Variants in NCKAP5 observed in about 807,000 individuals in gnomAD.
The protein encoded by NCKAP5 is nck-associated protein 5.
Under a neutral mutation model 167.0 loss-of-function variants are expected in NCKAP5, and 92 were observed. The observed-to-expected ratio is 0.55, with a 90% confidence interval of 0.47 to 0.66. The LOEUF is 0.66. Ranked by LOEUF, NCKAP5 falls within the 30% of genes least tolerant of loss-of-function variation. NCKAP5 has a pLI of 0.00. For missense variants in NCKAP5, 2,378 were observed against 2,315.0 expected (o/e 1.03, Z -0.56); for synonymous variants, 891 against 877.4 (o/e 1.02, Z -0.27).
intron 3 of NCKAP5, among the ~76,000 whole-genome samples, chr2:133,443,603 C>G (rs1013671570): frequency 6.6e-6 from 1 of 152,162 alleles, no homozygotes; most frequent in East Asian, 1.9e-4. Context: ...TTGAGCTGCC[C>G]GCAGCCGTCT....
chr2:133,232,385 T>C (rs1232807129), intron 4 of NCKAP5, among the ~76,000 whole-genome samples: 1 of 152,194 alleles, frequency 6.6e-6, no homozygotes, highest in Non-Finnish European at 1.5e-5. Context: ...AAAATATATT[T>C]CTGCTTTGGA....
chr2:133,150,455 A>T (rs2083349234), intron 5 of NCKAP5, among the ~76,000 whole-genome samples: 1 of 152,128 alleles, frequency 6.6e-6, no homozygotes, highest in Non-Finnish European at 1.5e-5. Context: ...TACCTCCAGG[A>T]TTTCTAACTG....
intron 5 of NCKAP5, among the ~76,000 whole-genome samples, chr2:133,186,426 T>C (rs533263685): frequency 1.3e-5 from 2 of 152,252 alleles, no homozygotes; most frequent in African/African-American, 4.8e-5. Context: ...CTGTTTTCAC[T>C]GTGTCTCTGC....
rs551451293 is a variant in NCKAP5, at chr2:133,344,931, G to C, written c.70-41821C>G. Among the ~76,000 whole-genome samples, 5 of 152,152 alleles carry C rather than the reference G, an allele frequency of 3.3e-5. No homozygotes were observed. The East Asian group carries it at 9.7e-4, about 30-fold the overall frequency. ...AGTCTAAAGGTCAGAGGAAGTCAGG[G>C]ATGAAGATATATGAAGATATGAATT... On this transcript the variant is annotated intron_variant, in intron 3 of 19. Coordinates refer to ENST00000409261, the MANE Select transcript of NCKAP5 (RefSeq NM_207363.3).
chr2:133,617,284 T>G, the NCKAP5 span, among the ~76,000 whole-genome samples: 1 of 152,132 alleles, frequency 6.6e-6, no homozygotes, highest in East Asian at 1.9e-4. Context: ...TTCAACATAG[T>G]GTTGAAAGTT....
At chr2:133,139,487 C>A (rs2082918048) in intron 5 of NCKAP5, among the ~76,000 whole-genome samples, 1 of 152,026 alleles carries the variant, frequency 6.6e-6, no homozygotes, top group South Asian at 2.1e-4. Flanking sequence ...TTAAAGAGAG[C>A]CAGGCAATGT....
intron 11 of NCKAP5, among the ~76,000 whole-genome samples, chr2:132,797,910 C>T (rs1684731786): frequency 6.6e-6 from 1 of 152,192 alleles, no homozygotes; most frequent in South Asian, 2.1e-4. Context: ...ATTCAACAAA[C>T]ATTTATACAG....
chr2:133,470,486 G>C (rs1347566942), intron 3 of NCKAP5, among the ~76,000 whole-genome samples: 1 of 152,214 alleles, frequency 6.6e-6, no homozygotes, highest in Non-Finnish European at 1.5e-5. Context: ...CCTGCCCCCA[G>C]AGGTGGAGCC....
chr2:133,233,068 CT>C (rs946665283), intron 4 of NCKAP5, among the ~76,000 whole-genome samples: 1 of 152,154 alleles, frequency 6.6e-6, no homozygotes, highest in Non-Finnish European at 1.5e-5. Context: ...CTGCTGCTCC[CT>C]GGAAAAACCT....
At chr2:133,127,132 T>C (rs943007127) in intron 6 of NCKAP5, among the ~76,000 whole-genome samples, 5 of 152,222 alleles carry the variant, frequency 3.3e-5, no homozygotes, top group Non-Finnish European at 7.3e-5. Flanking sequence ...ATTATTTAGA[T>C]GACCATATTG....
At chr2:133,310,054 G>T (rs1165067519) in intron 3 of NCKAP5, among the ~76,000 whole-genome samples, 1 of 152,154 alleles carries the variant, frequency 6.6e-6, no homozygotes, top group Non-Finnish European at 1.5e-5. Flanking sequence ...ATTAGGAAAT[G>T]ACTAACTACC....
chr2:132,853,117 A>G (rs1375152330), intron 11 of NCKAP5, among the ~76,000 whole-genome samples: 1 of 152,208 alleles, frequency 6.6e-6, no homozygotes, highest in East Asian at 1.9e-4. Flanking sequence ...CAAGTTTTAA[A>G]TTAAACTGCC....
chr2:133,293,011 C>T (rs550920101), intron 4 of NCKAP5, among the ~76,000 whole-genome samples: 130 of 152,270 alleles, frequency 8.5e-4, no homozygotes, highest in African/African-American at 3.0e-3. Flanking sequence ...CACTCCAATT[C>T]TGCTCCTAAT....
intron 8 of NCKAP5, among the ~76,000 whole-genome samples, chr2:132,879,520 A>T (rs899854746): frequency 2.8e-4 from 43 of 152,316 alleles, no homozygotes; most frequent in Admixed American, 2.8e-3. Context: ...TATGGTTACT[A>T]GGTTGACATG....
intron 4 of NCKAP5, chr2:133,268,953 T>C (rs2089382397): frequency 6.6e-6 from 1 of 152,170 alleles, no homozygotes; most frequent in African/African-American, 2.4e-5. Flanking sequence ...TAACTAACAT[T>C]GTCCAGGAAA....
intron 4 of NCKAP5, among the ~76,000 whole-genome samples, chr2:133,229,333 GTATC>G (rs2087037582): frequency 6.6e-6 from 1 of 152,138 alleles, no homozygotes; most frequent in Non-Finnish European, 1.5e-5. Context: ...GGCATTTCTT[GTATC>G]TTAACACAAG....
At chr2:132,796,566 A>G in intron 12 of NCKAP5, 62 bp downstream of exon 12, 4 of 1,170,286 alleles carry the variant, frequency 3.4e-6, no homozygotes, top group African/African-American at 1.5e-5. Flanking sequence ...TTGTGACATC[A>G]TATTTGATGG....
intron 16 of NCKAP5, among the ~76,000 whole-genome samples, chr2:132,766,435 T>C (rs1412821759): frequency 3.3e-5 from 5 of 152,144 alleles, no homozygotes; most frequent in Non-Finnish European, 7.4e-5. Context: ...TCTATTCTTA[T>C]TTAAACCATG....
intron 18 of NCKAP5, among the ~76,000 whole-genome samples, chr2:132,727,631 T>C (rs548661350): frequency 2.0e-5 from 3 of 152,352 alleles, no homozygotes; most frequent in Admixed American, 1.3e-4. Context: ...ACTTAAGGCA[T>C]GGCAGAACAC....
Sources: gnomAD v4.1 joint callset for allele counts (sites outside exome capture counted in the v4.1 genomes callset) on GRCh38, gnomAD v4.1.1 for gene constraint, MANE v1.5 for transcripts, NCBI Gene and HGNC (gene_info 2026-07-23, HGNC 2026-07-21) for gene names.